The following AEBP2 variants were observed in gnomAD, a reference collection of about 807,000 sequenced individuals.
AEBP2 encodes zinc finger protein AEBP2.
Under a neutral mutation model 50.8 loss-of-function variants are expected in AEBP2, and 10 were observed. That is an observed-to-expected ratio of 0.20 (90% CI 0.12 to 0.33). The LOEUF (loss-of-function observed/expected upper bound fraction) is 0.33, where lower values mean the gene tolerates loss of function less well. Among genes scored for constraint, AEBP2 ranks in the 10% least tolerant of loss-of-function variants. The probability of loss-of-function intolerance (pLI) is 1.00; values close to 1 mark genes in which losing one functional copy is unlikely to be tolerated. For missense variants in AEBP2, 570 were observed against 688.0 expected (o/e 0.83, Z 1.92); for synonymous variants, 296 against 261.3 (o/e 1.13, Z -1.28).
At chr12:19,429,807 C>T (rs1489218066) in intron 1 of AEBP2, among the ~76,000 whole-genome samples, 1 of 151,840 alleles carries the variant, frequency 6.6e-6, no homozygotes, top group Non-Finnish European at 1.5e-5. Flanking sequence ...TATCCTTCGC[C>T]CACTTGTTGA....
At chr12:19,509,312 A>G (rs139508952) in intron 5 of AEBP2, 10 of 215,844 alleles carry the variant, frequency 4.6e-5, no homozygotes, top group Admixed American at 2.1e-4. Flanking sequence ...TTCATCTACT[A>G]TGAATGCTTT....
chr12:19,515,581 G>T (rs1028723811), intron 7 of AEBP2, among the ~76,000 whole-genome samples: 1 of 151,998 alleles, frequency 6.6e-6, no homozygotes, highest in Non-Finnish European at 1.5e-5. Flanking sequence ...CTTATTGAAA[G>T]GACTTTATAT....
intron 5 of AEBP2, among the ~76,000 whole-genome samples, chr12:19,507,280 G>A (rs1949166300): frequency 6.6e-6 from 1 of 152,106 alleles, no homozygotes; most frequent in Non-Finnish European, 1.5e-5. Context: ...TACAGATAAG[G>A]GAGAAGTGAT....
intron 1 of AEBP2, among the ~76,000 whole-genome samples, chr12:19,429,804 C>G (rs568031314): frequency 6.6e-6 from 1 of 151,476 alleles, no homozygotes; most frequent in Non-Finnish European, 1.5e-5. Flanking sequence ...TCATATCCTT[C>G]GCCCACTTGT....
chr12:19,482,934 A>G (rs1159733395), intron 3 of AEBP2, among the ~76,000 whole-genome samples: 1 of 151,620 alleles, frequency 6.6e-6, no homozygotes, highest in Non-Finnish European at 1.5e-5. Context: ...AGCCACTCTC[A>G]CTCCCTTGGT....
chr12:19,518,723 G>A lies in AEBP2; in HGVS notation c.*606G>A, dbSNP rs759103197. 1.3e-6 allele frequency: 2 copies of A among 1,488,544 alleles called. No individual in the cohort carries two copies. The highest frequency in any genetic ancestry group is 2.6e-5 in the South Asian group (2 of 76,816). 92.2% of individuals were successfully genotyped at this position (1,488,544 alleles called of 1,614,324 possible). ...ATTTGTATTTAAGCAAACAGTGAAC[G>A]ACGTTTGCAATCAACTAAAAATTCG... On this transcript the variant is annotated 3_prime_UTR_variant, in exon 8 of 8. Transcript: ENST00000266508.
In AEBP2 at chr12:19,521,617, A is replaced by T. The variant is rs1343752116; in HGVS notation, c.*3500A>T. The T allele has an allele frequency of 6.6e-6, 1 of 152,158 alleles. No individual in the cohort carries two copies. The highest frequency in any genetic ancestry group is 1.5e-5 in the Non-Finnish European group (1 of 68,006). 9.4% of individuals were successfully genotyped at this position (152,158 alleles called of 1,614,324 possible). The stretch of plus-strand genomic sequence containing the variant: ...TCACATGAAAGGAAATTAAAGATGG[A>T]CAATAATTATCTCTCAATATTTTAA... On this transcript the variant is annotated 3_prime_UTR_variant, in exon 8 of 8. Coordinates refer to ENST00000266508, the MANE Select transcript of AEBP2 (RefSeq NM_153207.5).
chr12:19,505,324 A>C (rs1949140695), intron 5 of AEBP2, among the ~76,000 whole-genome samples: 1 of 152,190 alleles, frequency 6.6e-6, no homozygotes, highest in African/African-American at 2.4e-5. Flanking sequence ...CACTTATTAA[A>C]CTGTTTTAAA....
At chr12:19,457,207 A>C (rs200659814) in intron 1 of AEBP2, 2 of 1,598,026 alleles carry the variant, frequency 1.3e-6, no homozygotes, top group Non-Finnish European at 1.7e-6. Flanking sequence ...TTTCACACCC[A>C]GTGTGTAAGC....
chr12:19,497,291 T>C (rs1469604353), intron 4 of AEBP2, among the ~76,000 whole-genome samples: 5 of 145,496 alleles, frequency 3.4e-5, no homozygotes, highest in Admixed American at 2.8e-4. Flanking sequence ...TTTTGAACCA[T>C]GGGAAAATAG....
At chr12:19,428,977 AT>A (rs200011037) in intron 1 of AEBP2, among the ~76,000 whole-genome samples, 12 of 149,928 alleles carry the variant, frequency 8.0e-5, no homozygotes, top group African/African-American at 1.7e-4. Context: ...CATCTCTACA[AT>A]TTTTTTTTTC....
intron 1 of AEBP2, among the ~76,000 whole-genome samples, chr12:19,421,344 C>CAAAAAAAAAAAAAAAAAA (rs375160231): frequency 6.7e-4 from 55 of 82,236 alleles, no homozygotes; most frequent in Non-Finnish European, 9.0e-4. Flanking sequence ...GACTCTGTCT[C>CAAAAAAAAAAAAAAAAAA]AAAAAAAAAA....
chr12:19,518,179 A>G lies in AEBP2; in HGVS notation c.*62A>G, dbSNP rs773713644. ...ACACCTGCAGTCTTAGTCACTGACAATGGGTTTAGGGAAAGTTGCACATTA... is the reference window on the plus strand; with the variant it reads ...ACACCTGCAGTCTTAGTCACTGACAGTGGGTTTAGGGAAAGTTGCACATTA... On this transcript the variant is annotated 3_prime_UTR_variant, in exon 8 of 8. Coordinates refer to ENST00000266508, the MANE Select transcript of AEBP2 (RefSeq NM_153207.5). The G allele has an allele frequency of 4.0e-5, 60 of 1,509,538 alleles. No homozygotes were observed. Among genetic ancestry groups the G allele is most frequent in the South Asian group, 6.7e-5 (5 of 74,496 alleles). The allele number at this position is 1,509,538 out of a possible 1,614,324, so 93.5% of individuals were successfully genotyped here. A position where few individuals can be genotyped will look rare whatever the true frequency, so the allele number is the denominator to read the frequency against.
rs61060044 is a variant in AEBP2 at position 19,443,839 on chromosome 12, C to G, written c.671+3469C>G. 5.0e-3 allele frequency among the ~76,000 whole-genome samples: 754 copies of G among 152,216 alleles called. 8 individuals are homozygous for G. Among genetic ancestry groups the G allele is most frequent in the African/African-American group, 0.017 (723 of 41,532 alleles). Reference sequence around the variant, plus strand: ...GACTAATTTATGAAATGATTAAATACCACTTGGTACAAAAAGTTGATTTTT... The same window carrying G: ...GACTAATTTATGAAATGATTAAATAGCACTTGGTACAAAAAGTTGATTTTT... On this transcript the variant is annotated intron_variant, in intron 1 of 7. Transcript: ENST00000266508.
At chr12:19,470,989 A>G (rs12821908) in intron 2 of AEBP2, among the ~76,000 whole-genome samples, 6 of 152,172 alleles carry the variant, frequency 3.9e-5, no homozygotes, top group African/African-American at 1.4e-4. Context: ...TTTTCAATTA[A>G]TGGCAAAAAC....
chr12:19,503,003 T>C (rs140663780), intron 5 of AEBP2, among the ~76,000 whole-genome samples: 1 of 152,306 alleles, frequency 6.6e-6, no homozygotes, highest in Non-Finnish European at 1.5e-5. Context: ...AGCCTTGTAG[T>C]GTAGTTTGAA....
chr12:19,516,314 A>G (rs1949317458), intron 7 of AEBP2, among the ~76,000 whole-genome samples: 2 of 152,188 alleles, frequency 1.3e-5, no homozygotes, highest in Admixed American at 6.5e-5. Flanking sequence ...GGAGAGATGA[A>G]TTAAAATTAG....
intron 1 of AEBP2, among the ~76,000 whole-genome samples, chr12:19,450,962 CCTTT>C (rs1321172472): frequency 1.4e-5 from 2 of 143,986 alleles, no homozygotes; most frequent in African/African-American, 2.6e-5. Flanking sequence ...TCAAGTTTCT[CCTTT>C]GAATATATAG....
At chr12:19,513,287 G>A (rs1949263729) in intron 6 of AEBP2, among the ~76,000 whole-genome samples, 1 of 151,500 alleles carries the variant, frequency 6.6e-6, no homozygotes, top group Non-Finnish European at 1.5e-5. Flanking sequence ...TTAAGTTTTA[G>A]TGCCCATTTA....
Sources: gnomAD v4.1 joint callset for allele counts (sites outside exome capture counted in the v4.1 genomes callset) on GRCh38, gnomAD v4.1.1 for gene constraint, MANE v1.5 for transcripts, NCBI Gene and HGNC (gene_info 2026-07-23, HGNC 2026-07-21) for gene names.